SGK3: variants seen among roughly 807,000 people sequenced by gnomAD.
SGK3 encodes the protein serum/glucocorticoid regulated kinase family member 3, also known as serine/threonine-protein kinase Sgk3.
SGK3 carries 47 observed loss-of-function variants against 68.5 expected under a neutral mutation model. The observed-to-expected ratio is 0.69, with a 90% CI of 0.54 to 0.87. The LOEUF (loss-of-function observed/expected upper bound fraction) is 0.87, where lower values mean the gene tolerates loss of function less well. Ranked by LOEUF, SGK3 falls within the 40% of genes least tolerant of loss-of-function variation. The pLI is 0.00. For synonymous variants in SGK3, 181 were observed against 189.1 expected (o/e 0.96, Z 0.35); for missense variants, 479 against 575.5 (o/e 0.83, Z 1.72).
intron 1 of SGK3, among the ~76,000 whole-genome samples, chr8:66,755,499 C>G (rs1805949248): frequency 6.6e-6 from 1 of 152,166 alleles, no homozygotes; most frequent in South Asian, 2.1e-4. Flanking sequence ...GATTTTGAAA[C>G]ATTTTAGATT....
intron 1 of SGK3, among the ~76,000 whole-genome samples, chr8:66,721,588 A>C (rs1417507889): frequency 2.0e-5 from 3 of 152,214 alleles, no homozygotes; most frequent in Admixed American, 6.5e-5. Context: ...AATTCCTTTC[A>C]AAATATCCAC....
At chr8:66,805,034 A>C (rs559014734) in intron 4 of SGK3, among the ~76,000 whole-genome samples, 6 of 152,240 alleles carry the variant, frequency 3.9e-5, no homozygotes, top group African/African-American at 1.4e-4. Flanking sequence ...AGCTGTCATC[A>C]TGCCATTGCA....
At chr8:66,788,139 A>G (rs554480536) in intron 1 of SGK3, among the ~76,000 whole-genome samples, 12 of 152,312 alleles carry the variant, frequency 7.9e-5, no homozygotes, top group African/African-American at 2.9e-4. Context: ...TGGGTCTAGA[A>G]AACTTACAAG....
chr8:66,730,465 C>T (rs543781123), intron 1 of SGK3, among the ~76,000 whole-genome samples: 6 of 152,140 alleles, frequency 3.9e-5, no homozygotes, highest in South Asian at 2.1e-4. Context: ...CCCATTTACT[C>T]GGTTTTTTTC....
intron 4 of SGK3, among the ~76,000 whole-genome samples, chr8:66,810,439 G>A (rs1464556431): frequency 1.3e-5 from 2 of 152,164 alleles, no homozygotes; most frequent in Non-Finnish European, 2.9e-5. Flanking sequence ...GGTGGCTCAC[G>A]CCTGTAATCC....
At chr8:66,731,586 G>A (rs534311023) in intron 1 of SGK3, among the ~76,000 whole-genome samples, 2 of 152,098 alleles carry the variant, frequency 1.3e-5, no homozygotes, top group African/African-American at 4.8e-5. Context: ...CCAGACTGGA[G>A]TGCAGTGGCT....
At chr8:66,766,418 G>A (rs1346835850) in intron 1 of SGK3, among the ~76,000 whole-genome samples, 1 of 152,112 alleles carries the variant, frequency 6.6e-6, no homozygotes, top group African/African-American at 2.4e-5. Context: ...AGCTACTCGA[G>A]AGGCTGAAGC....
chr8:66,768,902 T>C (rs1806412394), intron 1 of SGK3, among the ~76,000 whole-genome samples: 1 of 152,208 alleles, frequency 6.6e-6, no homozygotes, highest in Admixed American at 6.5e-5. Flanking sequence ...AGAAATATGC[T>C]GACATTTTTA....
chr8:66,725,567 T>G (rs943616913), intron 1 of SGK3, among the ~76,000 whole-genome samples: 3 of 151,994 alleles, frequency 2.0e-5, no homozygotes, highest in African/African-American at 7.3e-5. Context: ...TTTCCTGACT[T>G]AAAAAATAGA....
At chr8:66,800,529 TA>T (rs1199405120) in intron 3 of SGK3, among the ~76,000 whole-genome samples, 7 of 152,060 alleles carry the variant, frequency 4.6e-5, no homozygotes, top group African/African-American at 1.7e-4. Flanking sequence ...ATTTGTAAGA[TA>T]TTTTTGAATA....
chr8:66,780,244 A>G (rs1171553880), intron 1 of SGK3, among the ~76,000 whole-genome samples: 1 of 152,170 alleles, frequency 6.6e-6, no homozygotes, highest in Non-Finnish European at 1.5e-5. Context: ...TTGGTCACTG[A>G]ACATCTCACT....
chr8:66,841,012 T>C lies in SGK3; in HGVS notation c.892-12T>C, dbSNP rs779265932. ...ATGCATTGTTTTATCTTACTGCCCC[T>C]GTATTTGTCAGGGACATGTTGTCTT... is the stretch of plus-strand genomic sequence containing the variant. On this transcript the variant is annotated splice_polypyrimidine_tract_variant and intron_variant, in intron 12 of 16. Transcript: ENST00000521198. 2 of 1,565,396 alleles carry C rather than the reference T, an allele frequency of 1.3e-6. No individual in the cohort carries two copies. The highest frequency in any genetic ancestry group is 2.0e-5 in the Admixed American group (1 of 48,926).
chr8:66,715,115 T>C (rs527791101), intron 1 of SGK3, among the ~76,000 whole-genome samples: 15 of 152,232 alleles, frequency 9.9e-5, no homozygotes, highest in Non-Finnish European at 1.9e-4. Context: ...TTGGACTTAT[T>C]TCTTAAGATT....
intron 16 of SGK3, among the ~76,000 whole-genome samples, chr8:66,858,880 CAAAAGA>C (rs1810638419): frequency 2.0e-5 from 3 of 151,964 alleles, no homozygotes; most frequent in African/African-American, 7.3e-5. Context: ...CCCAGGGGAC[CAAAAGA>C]TTGGACACCC....
At chr8:66,750,812 C>T (rs1805790526) in intron 1 of SGK3, among the ~76,000 whole-genome samples, 1 of 149,998 alleles carries the variant, frequency 6.7e-6, no homozygotes, top group Non-Finnish European at 1.5e-5. Context: ...TGAGACCAAC[C>T]TGGACAACAT....
intron 14 of SGK3, among the ~76,000 whole-genome samples, chr8:66,846,088 T>TTTTTTG (rs1303901765): frequency 6.6e-6 from 1 of 152,180 alleles, no homozygotes; most frequent in Non-Finnish European, 1.5e-5. Flanking sequence ...AATTGGGTTT[T>TTTTTTG]TTTTTGTTTT....
intron 16 of SGK3, among the ~76,000 whole-genome samples, chr8:66,854,182 T>C (rs1810408438): frequency 6.6e-6 from 1 of 152,252 alleles, no homozygotes; most frequent in Admixed American, 6.5e-5. Flanking sequence ...GACTCCCTTT[T>C]TGAAATATTG....
chr8:66,746,241 C>G (rs1165422112), intron 1 of SGK3, among the ~76,000 whole-genome samples: 1 of 152,200 alleles, frequency 6.6e-6, no homozygotes, highest in Non-Finnish European at 1.5e-5. Flanking sequence ...GCCTGTTCTC[C>G]ACTCTTCCAT....
At chr8:66,813,017 G>C (rs989162567) in intron 4 of SGK3, among the ~76,000 whole-genome samples, 8 of 152,190 alleles carry the variant, frequency 5.3e-5, no homozygotes, top group Admixed American at 2.0e-4. Flanking sequence ...ACTTTGGGAG[G>C]CCGAGGAGGG....
Sources: gnomAD v4.1 joint callset for allele counts (sites outside exome capture counted in the v4.1 genomes callset) on GRCh38, gnomAD v4.1.1 for gene constraint, MANE v1.5 for transcripts, NCBI Gene and HGNC (gene_info 2026-07-23, HGNC 2026-07-21) for gene names.